Variants in CCSER1 observed in about 807,000 individuals in gnomAD.
The protein encoded by CCSER1 is coiled-coil serine rich protein 1.
CCSER1 carries 41 observed loss-of-function variants against 82.0 expected under a neutral mutation model. The observed-to-expected ratio is 0.50, with a 90% CI of 0.39 to 0.65. CCSER1 has a LOEUF of 0.65. Among genes scored for constraint, CCSER1 ranks in the 30% least tolerant of loss-of-function variants. The probability of loss-of-function intolerance (pLI) is 0.00; values close to 1 mark genes in which losing one functional copy is unlikely to be tolerated. For missense variants in CCSER1, 1,119 were observed against 1,064.2 expected (o/e 1.05, Z -0.72); for synonymous variants, 414 against 383.9 (o/e 1.08, Z -0.92).
intron 5 of CCSER1, 52 bp downstream of exon 5, chr4:90,468,406 G>C: frequency 6.7e-7 from 1 of 1,493,740 alleles, no homozygotes; most frequent in Non-Finnish European, 9.1e-7. Flanking sequence ...TTAGATAACT[G>C]ATAAGAAAAT....
At chr4:91,583,365 T>A (rs1046280781) in intron 10 of CCSER1, among the ~76,000 whole-genome samples, 3 of 148,928 alleles carry the variant, frequency 2.0e-5, no homozygotes, top group African/African-American at 7.2e-5. Context: ...TCATTCTTTT[T>A]TAAATTCTTC....
intron 3 of CCSER1, among the ~76,000 whole-genome samples, chr4:90,380,656 T>C (rs922889278): frequency 6.6e-6 from 1 of 152,324 alleles, no homozygotes; most frequent in South Asian, 2.1e-4. Context: ...ATTTCAACTA[T>C]TTTCAGGTTT....
chr4:90,243,258 T>C (rs1339013519), intron 1 of CCSER1, among the ~76,000 whole-genome samples: 2 of 151,926 alleles, frequency 1.3e-5, no homozygotes, highest in Non-Finnish European at 2.9e-5. Flanking sequence ...ATTTATTTAC[T>C]ATTTTTTTGA....
chr4:90,647,176 A>G (rs373200468), intron 6 of CCSER1, among the ~76,000 whole-genome samples: 56 of 152,294 alleles, frequency 3.7e-4, no homozygotes, highest in African/African-American at 1.2e-3. Context: ...TGTAACCATT[A>G]TGGTAGTTTA....
intron 10 of CCSER1, among the ~76,000 whole-genome samples, chr4:91,422,583 CAT>C (rs1753741209): frequency 6.6e-6 from 1 of 152,028 alleles, no homozygotes; most frequent in Non-Finnish European, 1.5e-5. Context: ...TTGTTTGATT[CAT>C]GTTTTTTAAT....
rs753973015 is a variant in CCSER1 at position 91,593,467 on chromosome 4, C to CTTTTTTTTTTT, written c.2218-5089_2218-5079dup. The stretch of plus-strand genomic sequence containing the variant: ...TAACTGTCTTGTTTTCAACCCCGTG[C>CTTTTTTTTTTT]TTTTTTTTTTTTTTTTTTTTTTTTT... On this transcript the variant is annotated intron_variant, in intron 10 of 10. Transcript: ENST00000509176. 4.4e-4 allele frequency among the ~76,000 whole-genome samples: 24 copies of CTTTTTTTTTTT among 55,044 alleles called. 1 individual carries two copies. The highest frequency in any genetic ancestry group is 8.8e-4 in the African/African-American group (12 of 13,626). 36.1% of individuals were successfully genotyped at this position (55,044 alleles called of 152,430 possible). A position where few individuals can be genotyped will look rare whatever the true frequency, so the allele number is the denominator to read the frequency against.
intron 10 of CCSER1, among the ~76,000 whole-genome samples, chr4:91,295,666 A>T (rs1744102858): frequency 6.6e-6 from 1 of 151,924 alleles, no homozygotes; most frequent in Non-Finnish European, 1.5e-5. Flanking sequence ...ATATTGCATA[A>T]TGCATACAAA....
intron 7 of CCSER1, among the ~76,000 whole-genome samples, chr4:90,786,980 C>G (rs1280797409): frequency 6.6e-6 from 1 of 152,178 alleles, no homozygotes; most frequent in Admixed American, 6.5e-5. Context: ...CAGGGAATCA[C>G]TAACTTAATT....
Position 91,194,145 on chromosome 4 carries a change from T to G in CCSER1, c.2217+108151T>G, listed in dbSNP as rs573910786. 2.6e-5 allele frequency among the ~76,000 whole-genome samples: 4 copies of G among 152,238 alleles called. No individual in the cohort carries two copies. In the South Asian group the frequency reaches 8.3e-4, roughly 32 times the overall value. On this transcript the variant is annotated intron_variant, in intron 10 of 10. Coordinates refer to ENST00000509176, the MANE Select transcript of CCSER1 (RefSeq NM_001145065.2). Reference sequence around the variant, plus strand: ...CCACCACACCGAGCTAATTTTTGTATTTTTAGTAGAGACGGAGTTTCACCA... The same window carrying G: ...CCACCACACCGAGCTAATTTTTGTAGTTTTAGTAGAGACGGAGTTTCACCA...
At chr4:90,701,100 G>A (rs1738017943) in intron 6 of CCSER1, among the ~76,000 whole-genome samples, 1 of 152,050 alleles carries the variant, frequency 6.6e-6, no homozygotes, top group Non-Finnish European at 1.5e-5. Flanking sequence ...TTTCTTCTAG[G>A]GTTTTTATGG....
At chr4:90,489,249 G>C (rs180889876) in intron 5 of CCSER1, among the ~76,000 whole-genome samples, 6 of 152,238 alleles carry the variant, frequency 3.9e-5, no homozygotes, top group Non-Finnish European at 8.8e-5. Flanking sequence ...AAATATTTCT[G>C]CATAGAGAAA....
intron 10 of CCSER1, among the ~76,000 whole-genome samples, chr4:91,474,724 C>A (rs1197539265): frequency 6.7e-6 from 1 of 148,286 alleles, no homozygotes; most frequent in Non-Finnish European, 1.5e-5. Flanking sequence ...TAAATTTAGG[C>A]ACACATGTAT....
chr4:91,168,781 A>G (rs1732442210), intron 10 of CCSER1, among the ~76,000 whole-genome samples: 1 of 152,004 alleles, frequency 6.6e-6, no homozygotes. Flanking sequence ...TGGGGAAAAG[A>G]AAGAGAGATC....
At chr4:91,412,882 G>C (rs375257597) in intron 10 of CCSER1, among the ~76,000 whole-genome samples, 4 of 151,964 alleles carry the variant, frequency 2.6e-5, no homozygotes, top group African/African-American at 4.8e-5. Context: ...AAGAAGGGGG[G>C]ATCTATGAAT....
At chr4:90,793,820 T>A (rs2149671925) in intron 7 of CCSER1, among the ~76,000 whole-genome samples, 1 of 152,306 alleles carries the variant, frequency 6.6e-6, no homozygotes, top group South Asian at 2.1e-4. Context: ...TCTGCAACTT[T>A]GCCAGAAGCT....
At chr4:91,176,433 A>T (rs1214294424) in intron 10 of CCSER1, among the ~76,000 whole-genome samples, 1 of 152,126 alleles carries the variant, frequency 6.6e-6, no homozygotes, top group African/African-American at 2.4e-5. Context: ...CATTTTCACG[A>T]TATTGATTCT....
At chr4:90,326,055 C>CTTTTTTTT (rs371592827) in intron 3 of CCSER1, among the ~76,000 whole-genome samples, 10 of 111,588 alleles carry the variant, frequency 9.0e-5, no homozygotes, top group Admixed American at 4.4e-4. Context: ...TATGTGATAC[C>CTTTTTTTT]TTTTTTTTTT....
chr4:90,504,215 T>A (rs980358400), intron 5 of CCSER1, among the ~76,000 whole-genome samples: 1 of 152,182 alleles, frequency 6.6e-6, no homozygotes, highest in African/African-American at 2.4e-5. Flanking sequence ...TTTTTATTAA[T>A]CCTAAATTTC....
intron 7 of CCSER1, among the ~76,000 whole-genome samples, chr4:90,799,072 G>A (rs1341308174): frequency 6.6e-6 from 1 of 152,324 alleles, no homozygotes; most frequent in East Asian, 1.9e-4. Context: ...CCACAGTGGT[G>A]AAGGCAACAC....
Sources: allele counts gnomAD v4.1 joint callset (sites outside exome capture counted in the v4.1 genomes callset), GRCh38; gene constraint gnomAD v4.1.1; transcripts MANE v1.5; gene names NCBI Gene and HGNC (gene_info 2026-07-23, HGNC 2026-07-21).